The following MID1 variants were observed in gnomAD, a reference collection of about 807,000 sequenced individuals.
The protein encoded by MID1 is E3 ubiquitin-protein ligase Midline-1.
In MID1, 7 loss-of-function variants were observed where a neutral mutation model predicts 40.4. The ratio of observed to expected loss-of-function variants is 0.17; its 90% CI spans 0.10 to 0.33. The LOEUF is 0.33. Ranked by LOEUF, MID1 falls within the 10% of genes least tolerant of loss-of-function variation. MID1 has a pLI of 1.00. For synonymous variants in MID1, 229 were observed against 221.2 expected (o/e 1.04, Z -0.31); for missense variants, 367 against 558.5 (o/e 0.66, Z 3.46).
chrX:10,650,360 A>G (rs1489248678), intron 1 of MID1, among the ~76,000 whole-genome samples: 1 of 109,511 alleles, frequency 9.1e-6, no homozygotes, highest in Non-Finnish European at 1.9e-5. Context: ...CCTCCCCGCA[A>G]CTTGCCCCTC....
intron 3 of MID1, among the ~76,000 whole-genome samples, chrX:10,511,007 G>A (rs1460527258): frequency 9.1e-6 from 1 of 109,802 alleles, no homozygotes; most frequent in Non-Finnish European, 1.9e-5. Context: ...CACTTTGGGA[G>A]GCCAAGGCGG....
intron 1 of MID1, among the ~76,000 whole-genome samples, chrX:10,796,843 A>T (rs2043971108): frequency 9.0e-6 from 1 of 111,283 alleles, no homozygotes; most frequent in Non-Finnish European, 1.9e-5. Context: ...TCTCCCATCA[A>T]TGAATTCAAC....
In MID1 at chrX:10,509,749, G is replaced by A. The variant is rs1243886165; in HGVS notation, c.756+13343C>T. On this transcript the variant is annotated intron_variant, in intron 3 of 9. Coordinates refer to ENST00000317552, the MANE Select transcript of MID1 (RefSeq NM_000381.4). ...AAGGGTCCTTTCTGCCCTTCAAGGT[G>A]TGAGCTTATCGGACATGCTGATCTA... Among the ~76,000 whole-genome samples the A allele has an allele frequency of 2.7e-5, 3 of 112,267 alleles. No individual in the cohort carries two copies. In the East Asian group the frequency reaches 8.4e-4, roughly 31 times the overall value.
At chrX:10,566,858 A>G (rs967007968) in intron 2 of MID1, 30 bp downstream of exon 2, 22 of 1,196,656 alleles carry the variant, frequency 1.8e-5, no homozygotes, top group Non-Finnish European at 2.3e-5. Flanking sequence ...TCTGGCAGAA[A>G]GGGGTTGGCT....
rs1369607838 is a variant in MID1 at position 10,516,605 on chromosome X, TGTGTGCGCGC to T, written c.756+6477_756+6486del. On this transcript the variant is annotated intron_variant, in intron 3 of 9. Coordinates refer to ENST00000317552, the MANE Select transcript of MID1 (RefSeq NM_000381.4). ...GTGTGTGTGTGTGTGTGTGTGTGTG[TGTGTGCGCGC>T]GCGCACGCGTGTGTTTTAAGAGACA... Among the ~76,000 whole-genome samples the T allele has an allele frequency of 1.8e-3, 111 of 62,148 alleles. 1 individual carries two copies. The highest frequency in any genetic ancestry group is 8.7e-3 in the African/African-American group (108 of 12,356). 54.0% of individuals were successfully genotyped at this position (62,148 alleles called of 115,157 possible).
intron 1 of MID1, among the ~76,000 whole-genome samples, chrX:10,568,317 C>T (rs1196949582): frequency 8.9e-6 from 1 of 111,791 alleles, no homozygotes; most frequent in Non-Finnish European, 1.9e-5. Flanking sequence ...AGCAGTGGGA[C>T]GTGGGTAGGC....
intron 1 of MID1, among the ~76,000 whole-genome samples, chrX:10,706,188 T>C (rs980257027): frequency 9.0e-6 from 1 of 110,969 alleles, no homozygotes; most frequent in Non-Finnish European, 1.9e-5. Flanking sequence ...GTGGGGGGTG[T>C]GTGAAATGAG....
intron 1 of MID1, among the ~76,000 whole-genome samples, chrX:10,572,153 TTCTCTCTC>T (rs202217291): frequency 2.4e-5 from 2 of 84,672 alleles, no homozygotes; most frequent in Non-Finnish European, 4.6e-5. Flanking sequence ...CTCTCTCTCT[TTCTCTCTC>T]TCTCTCTATA....
At chrX:10,477,701 G>A (rs1370310942) in intron 5 of MID1, among the ~76,000 whole-genome samples, 4 of 111,980 alleles carry the variant, frequency 3.6e-5, no homozygotes, top group Non-Finnish European at 7.5e-5. Flanking sequence ...GGGACACATG[G>A]GGCCAGTTTT....
At chrX:10,636,335 T>C (rs1936108993) in intron 1 of MID1, among the ~76,000 whole-genome samples, 1 of 111,809 alleles carries the variant, frequency 8.9e-6, no homozygotes, top group South Asian at 3.7e-4. Flanking sequence ...AGTTTAAAAA[T>C]AGAGAGGAGG....
intron 1 of MID1, among the ~76,000 whole-genome samples, chrX:10,737,298 A>T (rs182477137): frequency 8.3e-4 from 93 of 112,591 alleles, no homozygotes; most frequent in Middle Eastern, 4.7e-3. Flanking sequence ...TATGCATCAA[A>T]TATATACACC....
At chrX:10,586,726 G>A in intron 1 of MID1, among the ~76,000 whole-genome samples, 1 of 112,719 alleles carries the variant, frequency 8.9e-6, no homozygotes, top group East Asian at 2.8e-4. Flanking sequence ...TGCTAACAGG[G>A]CTGTTGCTGC....
intron 1 of MID1, among the ~76,000 whole-genome samples, chrX:10,698,377 C>G (rs2043174059): frequency 8.9e-6 from 1 of 112,394 alleles, no homozygotes; most frequent in East Asian, 2.8e-4. Flanking sequence ...AAATGCACAG[C>G]TTATGTCTTA....
Position 10,530,193 on chromosome X carries a change from A to G in MID1, c.661-7006T>C, listed in dbSNP as rs1932924316. ...AAAATAGAGAGATGCTATAGCAATTATCACTAACACATCAACTTCAAGTTC... is the reference window on the plus strand; with the variant it reads ...AAAATAGAGAGATGCTATAGCAATTGTCACTAACACATCAACTTCAAGTTC... On this transcript the variant is annotated intron_variant, in intron 2 of 9. Coordinates refer to ENST00000317552, the MANE Select transcript of MID1 (RefSeq NM_000381.4). Among the ~76,000 whole-genome samples the G allele has an allele frequency of 2.7e-5, 3 of 112,303 alleles. No homozygotes were observed. In the South Asian group the frequency reaches 1.1e-3, roughly 42 times the overall value.
Position 10,567,277 on chromosome X carries a change from C to T in MID1, c.271G>A (p.Val91Met). ...NIIDRFQKAS[V>M]SGPNSPSETR... is the part of the protein sequence containing the mutation. ...TCGCTGGGAGAGTTGGGCCCGCTCA[C>T]TGATGCTTTCTGGAACCTGTCGATG... is the stretch of plus-strand genomic sequence containing the variant. Residue 91 changes from valine to methionine, a missense_variant, in exon 2 of 10, where the codon GTG becomes ATG. Around this residue, in one of 3 missense-constraint regions of MID1, gnomAD observed 78 missense variants for 112.6 expected, o/e 0.69. Transcript: ENST00000317552. 1 of 1,202,720 alleles carries T rather than the reference C, an allele frequency of 8.3e-7. No homozygotes were observed. Among genetic ancestry groups the T allele is most frequent in the Non-Finnish European group, 1.1e-6 (1 of 890,001 alleles).
chrX:10,775,402 C>A lies in MID1; in HGVS notation c.-187+58152G>T, dbSNP rs987650536. ...ATTAGACACTGCTCCACATTAGACA[C>A]CAAAGACCAAACAAATCAGATGAGT... On this transcript the variant is annotated intron_variant, in intron 1 of 10. Coordinates refer to the MID1 transcript ENST00000380785. Among the ~76,000 whole-genome samples the A allele has an allele frequency of 7.2e-5, 8 of 110,819 alleles. No homozygotes were observed. The South Asian group carries it at 2.7e-3, about 37-fold the overall frequency.
intron 3 of MID1, among the ~76,000 whole-genome samples, chrX:10,510,417 C>T (rs901819494): frequency 4.8e-4 from 54 of 112,060 alleles, no homozygotes; most frequent in African/African-American, 1.7e-3. Context: ...CAATTTAACA[C>T]ATTTGATTTA....
intron 4 of MID1, among the ~76,000 whole-genome samples, chrX:10,494,846 A>C (rs1174589831): frequency 9.0e-6 from 1 of 110,784 alleles, no homozygotes; most frequent in East Asian, 2.8e-4. Context: ...GAATTGGGTA[A>C]AATTAAAAGG....
intron 1 of MID1, among the ~76,000 whole-genome samples, chrX:10,780,670 T>G (rs761837333): frequency 4.5e-5 from 5 of 111,971 alleles, no homozygotes; most frequent in Non-Finnish European, 5.6e-5. Context: ...GAAACACAGA[T>G]GAAAGAAGTG....
Sources: allele counts gnomAD v4.1 joint callset (sites outside exome capture counted in the v4.1 genomes callset), GRCh38; gene constraint gnomAD v4.1.1; regional missense constraint gnomAD v4.1.1; transcripts MANE v1.5; gene names NCBI Gene and HGNC (gene_info 2026-07-23, HGNC 2026-07-21).